NEMP2: variants seen among roughly 807,000 people sequenced by gnomAD.
NEMP2 encodes UPF0571 transmembrane protein.
Under a neutral mutation model 54.2 loss-of-function variants are expected in NEMP2, and 53 were observed. The ratio of observed to expected loss-of-function variants is 0.98; its 90% confidence interval spans 0.78 to 1.23. The LOEUF (loss-of-function observed/expected upper bound fraction) is 1.23. NEMP2 is among the 50% of genes most tolerant of loss of function. The pLI is 0.00. For synonymous variants in NEMP2, 197 were observed against 190.3 expected, an observed-to-expected ratio of 1.04 and a Z score of -0.29; for missense variants, 455 against 511.3, an observed-to-expected ratio of 0.89 and a Z score of 1.06.
chr2:190,569,679 G>A, the NEMP2 span, among the ~76,000 whole-genome samples: 2 of 152,174 alleles, frequency 1.3e-5, no homozygotes, highest in Non-Finnish European at 2.9e-5. Flanking sequence ...TCACAAGGGT[G>A]CTTCCATGAC....
the NEMP2 span, among the ~76,000 whole-genome samples, chr2:190,636,663 G>T: frequency 5.3e-5 from 8 of 152,268 alleles, no homozygotes; most frequent in East Asian, 1.5e-3. Flanking sequence ...TACCCCAGGG[G>T]CTTGTTCCAT....
chr2:190,501,507 C>G (rs549137628), downstream of NEMP2: 6 of 152,212 alleles, frequency 3.9e-5, no homozygotes, highest in African/African-American at 1.4e-4. Context: ...AAAGGGAAAA[C>G]TGTTTTAGCT....
At chr2:190,426,378 G>C in the NEMP2 span, among the ~76,000 whole-genome samples, 1 of 151,868 alleles carries the variant, frequency 6.6e-6, no homozygotes, top group African/African-American at 2.4e-5. This position sits in a 1 kb window ranked among gnomAD's most constrained non-coding sequence, Gnocchi z 4.7. Context: ...CCAGTTATAA[G>C]TTTTCCATTT....
chr2:190,638,383 A>G, the NEMP2 span, among the ~76,000 whole-genome samples: 18 of 152,018 alleles, frequency 1.2e-4, no homozygotes, highest in Admixed American at 1.2e-3. This position sits in a 1 kb window ranked among gnomAD's most constrained non-coding sequence, Gnocchi z 5.7. Flanking sequence ...TGTGAGTGGG[A>G]GTGGAAGGCG....
chr2:190,449,174 A>C, the NEMP2 span, among the ~76,000 whole-genome samples: 1 of 152,196 alleles, frequency 6.6e-6, no homozygotes, highest in Non-Finnish European at 1.5e-5. Context: ...GCAAATGCAT[A>C]GTATGTTGTT....
chr2:190,569,821 TAA>T, the NEMP2 span, among the ~76,000 whole-genome samples: 4 of 150,908 alleles, frequency 2.7e-5, no homozygotes, highest in South Asian at 8.4e-4. Flanking sequence ...TCTCCAACAA[TAA>T]AGTGCAATAA....
At chr2:190,484,391 T>G in the NEMP2 span, among the ~76,000 whole-genome samples, 2 of 152,370 alleles carry the variant, frequency 1.3e-5, no homozygotes, top group South Asian at 4.1e-4. Context: ...TTCACAGTTC[T>G]CTAATAACTA....
chr2:190,513,671 C>T lies in NEMP2; in HGVS notation c.953+782G>A, dbSNP rs1313965214. Among the ~76,000 whole-genome samples the T allele has an allele frequency of 1.3e-5, 2 of 152,242 alleles. No individual in the cohort carries two copies. The highest frequency in any genetic ancestry group is 4.8e-5 in the African/African-American group (2 of 41,468). On this transcript the variant is annotated intron_variant, in intron 7 of 8. Coordinates refer to ENST00000409150, the MANE Select transcript of NEMP2 (RefSeq NM_001142645.2). The surrounding 1 kb of genome is among the most constrained non-coding windows in gnomAD (Gnocchi z 5.3). ...TCCTGATGGTACCAAACTGGGCTTT[C>T]TCTCCATCAGGAAAGCCCTCCGCAT... is the stretch of plus-strand genomic sequence containing the variant.
At chr2:190,500,643 T>C (rs550747909), downstream of NEMP2, 2 of 160,708 alleles carry the variant, frequency 1.2e-5, no homozygotes, top group East Asian at 1.8e-4. The surrounding 1 kb of genome is among the most constrained non-coding windows in gnomAD (Gnocchi z 5.3). Flanking sequence ...TGGGAAGAGA[T>C]AGAATTCATC....
chr2:190,540,513 A>T, the NEMP2 span, among the ~76,000 whole-genome samples: 1 of 151,754 alleles, frequency 6.6e-6, no homozygotes, highest in Admixed American at 6.6e-5. Context: ...TCCTTGAGTT[A>T]CTCCTGTGCT....
In NEMP2 at chr2:190,514,406, T is replaced by G. The variant is rs1175063790; in HGVS notation, c.953+47A>C. On this transcript the variant is annotated intron_variant, in intron 7 of 8. Transcript: ENST00000409150. This position sits in a 1 kb window ranked among gnomAD's most constrained non-coding sequence, Gnocchi z 5.7. ...CAAACACTCTCCCAAATAATAAAAC[T>G]AGAGCTCAAAATGTCAAATTTGCTG... 2 of 1,460,006 alleles carry G rather than the reference T, an allele frequency of 1.4e-6. No individual in the cohort carries two copies. Among genetic ancestry groups the G allele is most frequent in the Non-Finnish European group, 1.9e-6 (2 of 1,065,942 alleles). 90.4% of individuals were successfully genotyped at this position (1,460,006 alleles called of 1,614,324 possible). A position where few individuals can be genotyped will look rare whatever the true frequency, so the allele number is the denominator to read the frequency against.
At chr2:190,564,173 G>A in the NEMP2 span, among the ~76,000 whole-genome samples, 1 of 152,236 alleles carries the variant, frequency 6.6e-6, no homozygotes, top group African/African-American at 2.4e-5. This position sits in a 1 kb window ranked among gnomAD's most constrained non-coding sequence, Gnocchi z 4.2. Flanking sequence ...ATCCAATCTT[G>A]AAGAGGAAAT....
the NEMP2 span, among the ~76,000 whole-genome samples, chr2:190,574,485 A>G: frequency 1.3e-5 from 2 of 152,190 alleles, no homozygotes; most frequent in African/African-American, 4.8e-5. Flanking sequence ...TTCATATACC[A>G]TATGTCACCC....
chr2:190,632,806 T>G, the NEMP2 span, among the ~76,000 whole-genome samples: 1 of 152,170 alleles, frequency 6.6e-6, no homozygotes, highest in African/African-American at 2.4e-5. This position sits in a 1 kb window ranked among gnomAD's most constrained non-coding sequence, Gnocchi z 4.8. Context: ...TAAAAAAAAA[T>G]CCATGACCAA....
chr2:190,612,450 G>A, the NEMP2 span, among the ~76,000 whole-genome samples: 5 of 151,954 alleles, frequency 3.3e-5, no homozygotes, highest in African/African-American at 2.4e-5. Context: ...CACTGCGCCC[G>A]GCCACATCCC....
intron 4 of NEMP2, among the ~76,000 whole-genome samples, chr2:190,518,364 A>G (rs1690636905): frequency 1.3e-5 from 2 of 152,224 alleles, no homozygotes; most frequent in South Asian, 4.1e-4. Flanking sequence ...GTAATAGAGC[A>G]AGGTGTGTGG....
At chr2:190,624,023 C>T in the NEMP2 span, among the ~76,000 whole-genome samples, 1 of 152,202 alleles carries the variant, frequency 6.6e-6, no homozygotes, top group Non-Finnish European at 1.5e-5. Context: ...TGGCACTCAT[C>T]TGTAATCCCA....
At chr2:190,549,012 T>C in the NEMP2 span, among the ~76,000 whole-genome samples, 1 of 152,360 alleles carries the variant, frequency 6.6e-6, no homozygotes, top group Non-Finnish European at 1.5e-5. Context: ...GGTTGTCCCT[T>C]AAGTCTCTCA....
chr2:190,547,596 G>A, the NEMP2 span, among the ~76,000 whole-genome samples: 1 of 152,144 alleles, frequency 6.6e-6, no homozygotes, highest in African/African-American at 2.4e-5. The surrounding 1 kb of genome is among the most constrained non-coding windows in gnomAD (Gnocchi z 6.2). Context: ...TGCCATCTTG[G>A]CTCACTGCAA....
Sources: allele counts gnomAD v4.1 joint callset (sites outside exome capture counted in the v4.1 genomes callset), GRCh38; gene constraint gnomAD v4.1.1; non-coding constraint Gnocchi (gnomAD v3.1); transcripts MANE v1.5; gene names NCBI Gene and HGNC (gene_info 2026-07-23, HGNC 2026-07-21).